Variants in KATNAL1 observed in about 807,000 individuals in gnomAD.
The protein encoded by KATNAL1 is katanin catalytic subunit A1 like 1.
KATNAL1 carries 32 observed loss-of-function variants against 55.2 expected under a neutral mutation model. The observed-to-expected ratio is 0.58, with a 90% CI of 0.44 to 0.78. KATNAL1 has a LOEUF of 0.78. KATNAL1 is among the 30% of genes least tolerant of loss of function. The pLI, the probability that KATNAL1 is intolerant of heterozygous loss-of-function variation, is 0.00. For missense variants in KATNAL1, 466 were observed against 600.9 expected (o/e 0.78, Z 2.35); for synonymous variants, 193 against 193.6 (o/e 1.00, Z 0.02).
chr13:30,246,528 C>T (rs1478876379), intron 4 of KATNAL1, among the ~76,000 whole-genome samples: 2 of 152,050 alleles, frequency 1.3e-5, no homozygotes, highest in South Asian at 2.1e-4. Flanking sequence ...CAACAAAAGC[C>T]GAAATTGACA....
chr13:30,285,499 C>T (rs1239234284), intron 1 of KATNAL1, among the ~76,000 whole-genome samples: 2 of 152,156 alleles, frequency 1.3e-5, no homozygotes, highest in Admixed American at 6.5e-5. Flanking sequence ...AGGTGCCTTC[C>T]CCCATGATTC....
intron 4 of KATNAL1, among the ~76,000 whole-genome samples, chr13:30,243,608 C>CAAAAAAAAAAAAAAAAA (rs139687662): frequency 1.2e-5 from 1 of 86,466 alleles, no homozygotes; most frequent in African/African-American, 5.9e-5. Flanking sequence ...GGTATTAAGC[C>CAAAAAAAAAAAAAAAAA]AAAAAAAAAA....
chr13:30,210,234 G>C, intron 10 of KATNAL1, 82 bp downstream of exon 10: 1 of 1,218,318 alleles, frequency 8.2e-7, no homozygotes, highest in African/African-American at 1.6e-5. Flanking sequence ...AACTACACTG[G>C]GCTAACTACA....
chr13:30,225,178 G>C (rs903134727), intron 9 of KATNAL1, among the ~76,000 whole-genome samples: 1 of 152,116 alleles, frequency 6.6e-6, no homozygotes, highest in Non-Finnish European at 1.5e-5. Context: ...GTTCAACATA[G>C]ATTCCAATGT....
intron 4 of KATNAL1, among the ~76,000 whole-genome samples, chr13:30,247,971 C>T (rs1380369081): frequency 6.6e-6 from 1 of 152,118 alleles, no homozygotes. Flanking sequence ...CACATTTAAT[C>T]TTACCATATA....
rs573439964 is a variant in KATNAL1, at chr13:30,286,365, G to A, written c.-14-2574C>T. Among the ~76,000 whole-genome samples the A allele has an allele frequency of 2.6e-5, 4 of 152,320 alleles. No homozygotes were observed. The South Asian group carries it at 6.2e-4, about 24-fold the overall frequency. On this transcript the variant is annotated intron_variant, in intron 1 of 10. Transcript: ENST00000380615. Reference sequence around the variant, plus strand: ...GTGCAGCCTCGGGACTTGGTGCTCTGCACCCAGCCACTCCAGCCATGGCTA... The same window carrying A: ...GTGCAGCCTCGGGACTTGGTGCTCTACACCCAGCCACTCCAGCCATGGCTA...
At chr13:30,217,489 A>T (rs775265900) in intron 9 of KATNAL1, among the ~76,000 whole-genome samples, 1 of 152,222 alleles carries the variant, frequency 6.6e-6, no homozygotes, top group Non-Finnish European at 1.5e-5. Flanking sequence ...TAAGCTTGTG[A>T]AAAGATTTAA....
In KATNAL1 at chr13:30,303,989, C is replaced by T. The variant is rs372186528; in HGVS notation, c.-15+3342G>A. ...TAGTAAGGAAGTGGGAGAAGAAATG[C>T]TTTCAGTTGTTGAGCACTTTAGGGT... On this transcript the variant is annotated intron_variant, in intron 1 of 10. Coordinates refer to ENST00000380615, the MANE Select transcript of KATNAL1 (RefSeq NM_032116.5). Among the ~76,000 whole-genome samples, 42 of 152,308 alleles carry T rather than the reference C, an allele frequency of 2.8e-4. 1 individual carries two copies. The South Asian group carries it at 8.3e-3, about 30-fold the overall frequency.
Position 30,216,993 on chromosome 13 carries a change from T to C in KATNAL1, c.1148-6551A>G, listed in dbSNP as rs115574554. 5.0e-3 allele frequency among the ~76,000 whole-genome samples: 741 copies of C among 149,158 alleles called. 5 individuals carry two copies. Among genetic ancestry groups the C allele is most frequent in the African/African-American group, 0.017 (690 of 41,112 alleles). On this transcript the variant is annotated intron_variant, in intron 9 of 10. Transcript: ENST00000380615. Reference sequence around the variant, plus strand: ...ACAGCCAACTTAAAATGAACATACATAAACCTGTTCGTAAGTGAGGACCTA... The same window carrying C: ...ACAGCCAACTTAAAATGAACATACACAAACCTGTTCGTAAGTGAGGACCTA...
At chr13:30,239,333 C>T (rs1451633716) in intron 6 of KATNAL1, among the ~76,000 whole-genome samples, 1 of 152,026 alleles carries the variant, frequency 6.6e-6, no homozygotes, top group Admixed American at 6.6e-5. Context: ...TTGCTTGAAC[C>T]CAGGAGGCAG....
intron 4 of KATNAL1, among the ~76,000 whole-genome samples, chr13:30,246,236 G>A (rs1359528796): frequency 1.3e-5 from 2 of 152,102 alleles, no homozygotes. Context: ...CAGAAATAAT[G>A]CCACACATCT....
At chr13:30,268,076 T>C (rs777920605) in intron 3 of KATNAL1, among the ~76,000 whole-genome samples, 3 of 152,172 alleles carry the variant, frequency 2.0e-5, no homozygotes, top group East Asian at 3.8e-4. Context: ...CTAGATATAG[T>C]AGCAAAGGGC....
intron 4 of KATNAL1, among the ~76,000 whole-genome samples, chr13:30,241,577 G>A (rs768567794): frequency 1.3e-5 from 2 of 152,104 alleles, no homozygotes; most frequent in Non-Finnish European, 2.9e-5. Context: ...CAGCTTTGAC[G>A]AGCTTTAAAT....
At chr13:30,213,882 C>G (rs1279216052) in intron 9 of KATNAL1, among the ~76,000 whole-genome samples, 1 of 152,146 alleles carries the variant, frequency 6.6e-6, no homozygotes, top group Non-Finnish European at 1.5e-5. Context: ...GATGCCCTCT[C>G]TCACCACTCC....
chr13:30,268,868 T>C (rs1398078886), intron 3 of KATNAL1, among the ~76,000 whole-genome samples: 1 of 152,180 alleles, frequency 6.6e-6, no homozygotes, highest in Non-Finnish European at 1.5e-5. Context: ...CAACAAATAC[T>C]TACTGAATAC....
At chr13:30,302,418 C>CA (rs964831143) in intron 1 of KATNAL1, among the ~76,000 whole-genome samples, 1 of 150,492 alleles carries the variant, frequency 6.6e-6, no homozygotes, top group African/African-American at 2.4e-5. Context: ...ACCAGTCATC[C>CA]ATACTCTCAC....
intron 1 of KATNAL1, chr13:30,296,712 G>T: frequency 1.7e-6 from 1 of 586,110 alleles, no homozygotes; most frequent in South Asian, 1.5e-5. Context: ...TGACGGCGAG[G>T]AATATTTCTC....
chr13:30,241,800 G>C (rs1316697985), intron 4 of KATNAL1, among the ~76,000 whole-genome samples: 1 of 152,184 alleles, frequency 6.6e-6, no homozygotes, highest in Non-Finnish European at 1.5e-5. Flanking sequence ...ATAGTCAAAA[G>C]GCTCAATCAT....
chr13:30,235,604 T>C (rs1269915239), intron 6 of KATNAL1, among the ~76,000 whole-genome samples: 3 of 152,154 alleles, frequency 2.0e-5, no homozygotes, highest in Non-Finnish European at 4.4e-5. Flanking sequence ...TGCAACAATC[T>C]CCATATTGTC....
Sources: allele counts gnomAD v4.1 joint callset (sites outside exome capture counted in the v4.1 genomes callset), GRCh38; gene constraint gnomAD v4.1.1; transcripts MANE v1.5; gene names NCBI Gene and HGNC (gene_info 2026-07-23, HGNC 2026-07-21).